Variants in LARP4 observed in about 807,000 individuals in gnomAD.
The protein encoded by LARP4 is La ribonucleoprotein 4.
LARP4 carries 29 observed loss-of-function variants against 92.9 expected under a neutral mutation model. The observed-to-expected ratio is 0.31, with a 90% confidence interval of 0.23 to 0.43. The LOEUF is 0.43. Ranked by LOEUF, LARP4 falls within the 20% of genes least tolerant of loss-of-function variation. LARP4 has a pLI of 1.00. For missense variants in LARP4, 732 were observed against 860.0 expected (o/e 0.85, Z 1.86); for synonymous variants, 279 against 284.1 (o/e 0.98, Z 0.18).
chr12:50,462,903 G>T (rs1449814006), intron 12 of LARP4, among the ~76,000 whole-genome samples: 1 of 152,010 alleles, frequency 6.6e-6, no homozygotes, highest in Non-Finnish European at 1.5e-5. Flanking sequence ...ATAAAAACAC[G>T]AAGTCTTTCT....
intron 14 of LARP4, 98 bp from the exon 15 acceptor site, chr12:50,473,901 C>T (rs1957245376): frequency 3.0e-6 from 3 of 993,434 alleles, no homozygotes; most frequent in South Asian, 3.2e-5. Context: ...CAGAGTGAGA[C>T]TCCGTCTCAA....
intron 8 of LARP4, among the ~76,000 whole-genome samples, chr12:50,445,751 T>A (rs1565644499): frequency 6.6e-6 from 1 of 152,136 alleles, no homozygotes; most frequent in Non-Finnish European, 1.5e-5. Flanking sequence ...GATGCTGTAT[T>A]CTAGAGTTTC....
intron 13 of LARP4, among the ~76,000 whole-genome samples, chr12:50,467,487 G>C (rs1419368456): frequency 6.6e-6 from 1 of 151,874 alleles, no homozygotes; most frequent in East Asian, 1.9e-4. Flanking sequence ...TTTTTTAGTA[G>C]AGACAGGGTT....
intron 8 of LARP4, among the ~76,000 whole-genome samples, chr12:50,447,206 G>A (rs1952351429): frequency 1.3e-5 from 2 of 152,128 alleles, no homozygotes; most frequent in African/African-American, 4.8e-5. Context: ...TGGATTTTCG[G>A]ATTTGGGATA....
intron 1 of LARP4, among the ~76,000 whole-genome samples, chr12:50,405,238 A>G (rs939240870): frequency 7.2e-5 from 11 of 152,080 alleles, no homozygotes; most frequent in Admixed American, 2.0e-4. Context: ...GAAACAAACA[A>G]TGTCCCTCTC....
intron 10 of LARP4, chr12:50,454,727 G>A (rs983460042): frequency 4.0e-5 from 9 of 224,248 alleles, no homozygotes; most frequent in Middle Eastern, 1.6e-3. Context: ...ATGTTAAATG[G>A]GTAGCATTTT....
chr12:50,449,407 T>C (rs1952749847), intron 8 of LARP4, among the ~76,000 whole-genome samples: 1 of 152,226 alleles, frequency 6.6e-6, no homozygotes, highest in South Asian at 2.1e-4. Flanking sequence ...AACATGATTC[T>C]CTGTCCTTTC....
At chr12:50,455,642 A>G (rs1239973175) in intron 10 of LARP4, among the ~76,000 whole-genome samples, 1 of 152,164 alleles carries the variant, frequency 6.6e-6, no homozygotes, top group African/African-American at 2.4e-5. Flanking sequence ...GTTTTACTGG[A>G]GAAATGAGCC....
At chr12:50,427,989 ATC>A in intron 2 of LARP4, 80 bp downstream of exon 2, 4 of 620,136 alleles carry the variant, frequency 6.5e-6, no homozygotes, top group Admixed American at 4.7e-5. Flanking sequence ...CTTGAGACAC[ATC>A]TCTTTTTTTT....
intron 10 of LARP4, among the ~76,000 whole-genome samples, chr12:50,459,849 G>A (rs1267439887): frequency 2.1e-5 from 3 of 142,436 alleles, no homozygotes; most frequent in Non-Finnish European, 4.6e-5. Context: ...AAAAAAAAGG[G>A]TGTTATAGGC....
At chr12:50,453,991 T>C (rs1953754265) in intron 9 of LARP4, among the ~76,000 whole-genome samples, 1 of 152,152 alleles carries the variant, frequency 6.6e-6, no homozygotes, top group African/African-American at 2.4e-5. Context: ...TGCATATGAC[T>C]AAGAGGTGAG....
intron 1 of LARP4, chr12:50,412,529 T>C: frequency 2.0e-6 from 1 of 496,910 alleles, no homozygotes; most frequent in Non-Finnish European, 2.6e-6. Flanking sequence ...TCCTAACTCA[T>C]GGTTCTGTTA....
chr12:50,450,664 A>G (rs1043447748), intron 8 of LARP4, among the ~76,000 whole-genome samples: 2 of 151,864 alleles, frequency 1.3e-5, no homozygotes, highest in African/African-American at 4.8e-5. Flanking sequence ...ATGCCTGGCT[A>G]ATTTTTTGTA....
At chr12:50,431,401 A>T (rs775325864) in intron 4 of LARP4, among the ~76,000 whole-genome samples, 1 of 152,218 alleles carries the variant, frequency 6.6e-6, no homozygotes, top group Non-Finnish European at 1.5e-5. Flanking sequence ...TTATTTCTTA[A>T]TGCATGTTTT....
At chr12:50,475,384 T>C (rs1198901969) in intron 15 of LARP4, 142 bp from the exon 16 acceptor site, 2 of 661,018 alleles carry the variant, frequency 3.0e-6, no homozygotes, top group African/African-American at 1.8e-5. Flanking sequence ...ACCAGTGTAC[T>C]CTAAGCAGTA....
chr12:50,474,134 T>C lies in LARP4; in HGVS notation c.1803T>C (p.Asn601=). The C allele has an allele frequency of 3.1e-6, 5 of 1,613,186 alleles. No homozygotes were observed. The highest frequency in any genetic ancestry group is 4.2e-6 in the Non-Finnish European group (5 of 1,179,782). ...SRASTASPCN[N]NINAATAVAL... The stretch of plus-strand genomic sequence containing the variant: ...CAAGTACTGCTTCACCATGTAATAA[T>C]AACATAAATGCAGCTACAGCTGTGG... The change falls in exon 15 of 16, where the codon AAT becomes AAC. Residue 601 remains asparagine (N), a synonymous_variant. Coordinates refer to ENST00000398473, the MANE Select transcript of LARP4 (RefSeq NM_052879.5).
intron 12 of LARP4, among the ~76,000 whole-genome samples, chr12:50,463,463 T>G (rs895591023): frequency 1.4e-5 from 2 of 144,218 alleles, no homozygotes; most frequent in Non-Finnish European, 3.0e-5. Flanking sequence ...CCAGGCACCA[T>G]GGTGCACGCC....
At chr12:50,457,528 T>G (rs1204329521) in intron 10 of LARP4, among the ~76,000 whole-genome samples, 1 of 152,066 alleles carries the variant, frequency 6.6e-6, no homozygotes, top group Non-Finnish European at 1.5e-5. Flanking sequence ...AAAATTACTT[T>G]TTATAGCCAG....
At chr12:50,472,574 C>A (rs147277522) in intron 13 of LARP4, among the ~76,000 whole-genome samples, 2 of 151,532 alleles carry the variant, frequency 1.3e-5, no homozygotes, top group African/African-American at 4.9e-5. Context: ...GAGGGAGTGC[C>A]GTGGTACTAT....
Sources: allele counts gnomAD v4.1 joint callset (sites outside exome capture counted in the v4.1 genomes callset), GRCh38; gene constraint gnomAD v4.1.1; transcripts MANE v1.5; gene names NCBI Gene and HGNC (gene_info 2026-07-23, HGNC 2026-07-21).